LMX1B: variants seen among roughly 807,000 people sequenced by gnomAD.
The protein encoded by LMX1B is LIM homeobox transcription factor 1-beta.
A neutral mutation model predicts 51.4 loss-of-function variants in LMX1B; 12 were observed. The ratio of observed to expected loss-of-function variants is 0.23; its 90% confidence interval spans 0.15 to 0.38. The LOEUF (loss-of-function observed/expected upper bound fraction) is 0.38. Among genes scored for constraint, LMX1B ranks in the 10% least tolerant of loss-of-function variants. LMX1B has a pLI of 1.00. For missense variants in LMX1B, 445 were observed against 571.1 expected, an observed-to-expected ratio of 0.78 and a Z score of 2.25; for synonymous variants, 237 against 235.4, an observed-to-expected ratio of 1.01 and a Z score of -0.06.
intron 3 of LMX1B, among the ~76,000 whole-genome samples, chr9:126,692,530 T>C (rs1355617256): frequency 7.2e-5 from 11 of 152,232 alleles, no homozygotes; most frequent in Admixed American, 3.9e-4. Flanking sequence ...TGTACGTTCC[T>C]GCCCGTGAGC....
intron 2 of LMX1B, among the ~76,000 whole-genome samples, chr9:126,629,119 T>G (rs1180095742): frequency 1.3e-5 from 2 of 152,130 alleles, no homozygotes; most frequent in African/African-American, 2.4e-5. Flanking sequence ...CCCAGCAGGC[T>G]GGGTGCTTTT....
chr9:126,640,238 A>C (rs953334140), intron 2 of LMX1B, among the ~76,000 whole-genome samples: 3 of 152,092 alleles, frequency 2.0e-5, no homozygotes, highest in Non-Finnish European at 2.9e-5. Flanking sequence ...GCTGGGGCTG[A>C]GGTGTGGGGG....
chr9:126,693,993 A>G, intron 6 of LMX1B, 181 bp downstream of exon 6: 1 of 584,488 alleles, frequency 1.7e-6, no homozygotes, highest in Admixed American at 3.1e-5. Context: ...TTCTTTTAAC[A>G]AAACTTCTCA....
chr9:126,693,027 C>T, intron 3 of LMX1B, 115 bp from the exon 4 acceptor site: 2 of 1,105,462 alleles, frequency 1.8e-6, no homozygotes, highest in Non-Finnish European at 1.3e-6. Context: ...GGAGCCACGG[C>T]AGGTGTCAAC....
chr9:126,635,568 G>C (rs149482385), intron 2 of LMX1B, among the ~76,000 whole-genome samples: 27 of 152,280 alleles, frequency 1.8e-4, no homozygotes, highest in African/African-American at 6.5e-4. Context: ...CTCAACCTTG[G>C]TTCCATCATT....
chr9:126,680,847 C>T (rs896389041), intron 2 of LMX1B, among the ~76,000 whole-genome samples: 1 of 152,166 alleles, frequency 6.6e-6, no homozygotes, highest in Non-Finnish European at 1.5e-5. Context: ...CATCATAGCT[C>T]GCAGCCTCCC....
intron 2 of LMX1B, among the ~76,000 whole-genome samples, chr9:126,635,752 C>A (rs1485989683): frequency 2.6e-5 from 4 of 152,164 alleles, no homozygotes; most frequent in Non-Finnish European, 5.9e-5. Flanking sequence ...TCCGAGGCCA[C>A]CCAGCTGAGG....
In LMX1B at chr9:126,625,210, CCT is replaced by C. The variant is rs1288025413; in HGVS notation, c.326+9642_326+9643del. ...AGAGGGGGCTCCGGCCCTGTAGCCC[CCT>C]GACGCTTTTCGTTTCCGAGCGCGCT... is the stretch of plus-strand genomic sequence containing the variant. On this transcript the variant is annotated intron_variant, in intron 2 of 7. Coordinates refer to ENST00000373474, the MANE Select transcript of LMX1B (RefSeq NM_001174147.2). The surrounding 1 kb of genome is among the most constrained non-coding windows in gnomAD (Gnocchi z 5.3). Among the ~76,000 whole-genome samples, 3 of 152,266 alleles carry C rather than the reference CCT, an allele frequency of 2.0e-5. No individual in the cohort carries two copies. The highest frequency in any genetic ancestry group is 4.4e-5 in the Non-Finnish European group (3 of 68,048).
intron 2 of LMX1B, among the ~76,000 whole-genome samples, chr9:126,653,637 G>T (rs977821190): frequency 2.6e-5 from 4 of 152,114 alleles, no homozygotes; most frequent in Admixed American, 6.5e-5. Flanking sequence ...TCCAGTGTTG[G>T]GTGCGTTTGT....
Position 126,658,913 on chromosome 9 carries a change from A to G in LMX1B, c.327-31923A>G, listed in dbSNP as rs777397452. Among the ~76,000 whole-genome samples, 4 of 152,208 alleles carry G rather than the reference A, an allele frequency of 2.6e-5. No homozygotes were observed. Among genetic ancestry groups the G allele is most frequent in the Non-Finnish European group, 5.9e-5 (4 of 68,032 alleles). The stretch of plus-strand genomic sequence containing the variant: ...GACATGAGAAGTCCATACTGGAGGC[A>G]AGAGGCACCCAGAAGCCCCACATAG... On this transcript the variant is annotated intron_variant, in intron 2 of 7. Coordinates refer to ENST00000373474, the MANE Select transcript of LMX1B (RefSeq NM_001174147.2). The surrounding 1 kb of genome is among the most constrained non-coding windows in gnomAD (Gnocchi z 4.0).
rs1461552970 is a variant in LMX1B, at chr9:126,614,119, C to A, written c.-331C>A. Among the ~76,000 whole-genome samples, 1 of 142,878 alleles carries A rather than the reference C, an allele frequency of 7.0e-6. No individual in the cohort carries two copies. The highest frequency in any genetic ancestry group is 2.5e-5 in the African/African-American group (1 of 39,868). The allele number at this position is 142,878 out of a possible 152,430, so 93.7% of individuals were successfully genotyped here. On this transcript the variant is annotated 5_prime_UTR_variant, in exon 1 of 8. Transcript: ENST00000373474. ...CCGCCTGCCGCCGCCGCCACCGCCACCGCCGCCGCCGCCTCCTCCCCGCGG... is the reference window on the plus strand; with the variant it reads ...CCGCCTGCCGCCGCCGCCACCGCCAACGCCGCCGCCGCCTCCTCCCCGCGG...
At chr9:126,647,116 C>T (rs753361294) in intron 2 of LMX1B, among the ~76,000 whole-genome samples, 1 of 152,048 alleles carries the variant, frequency 6.6e-6, no homozygotes, top group Non-Finnish European at 1.5e-5. Flanking sequence ...GCTGGCGGAT[C>T]GCTTGAGCCC....
chr9:126,669,378 G>A (rs1564161559), intron 2 of LMX1B, among the ~76,000 whole-genome samples: 1 of 152,306 alleles, frequency 6.6e-6, no homozygotes, highest in East Asian at 1.9e-4. Flanking sequence ...CTGTGGGTGG[G>A]TCACTGCCCT....
intron 2 of LMX1B, among the ~76,000 whole-genome samples, chr9:126,631,150 G>A (rs984239897): frequency 2.0e-5 from 3 of 152,256 alleles, no homozygotes; most frequent in Non-Finnish European, 4.4e-5. Context: ...GGATGGAGCT[G>A]GCCGCCCACT....
chr9:126,653,678 C>T (rs370397696), intron 2 of LMX1B, among the ~76,000 whole-genome samples: 1 of 152,210 alleles, frequency 6.6e-6, no homozygotes, highest in Admixed American at 6.5e-5. Context: ...TTATCACATG[C>T]GAACGTTCCC....
At position 126,625,567 on chromosome 9, in the gene LMX1B, C is replaced by A. The variant is rs557898790; in HGVS notation, c.326+9998C>A. ...GATCCCTGGGACTAATGTCGCAGCGCTCGCACTCCTGCAGGTCTCCAGGGT... is the reference window on the plus strand; with the variant it reads ...GATCCCTGGGACTAATGTCGCAGCGATCGCACTCCTGCAGGTCTCCAGGGT... On this transcript the variant is annotated intron_variant, in intron 2 of 7. Transcript: ENST00000373474. The surrounding 1 kb of genome is among the most constrained non-coding windows in gnomAD (Gnocchi z 5.3). 1.3e-5 allele frequency among the ~76,000 whole-genome samples: 2 copies of A among 152,342 alleles called. No homozygotes were observed. Among genetic ancestry groups the A allele is most frequent in the African/African-American group, 4.8e-5 (2 of 41,592 alleles).
intron 2 of LMX1B, among the ~76,000 whole-genome samples, chr9:126,651,302 G>T (rs1836000975): frequency 6.6e-6 from 1 of 152,018 alleles, no homozygotes; most frequent in Non-Finnish European, 1.5e-5. Context: ...GGGACTGGGG[G>T]GGGTGGCTCC....
intron 2 of LMX1B, among the ~76,000 whole-genome samples, chr9:126,642,704 A>C (rs562727353): frequency 2.3e-4 from 35 of 152,322 alleles, no homozygotes; most frequent in African/African-American, 8.4e-4. Flanking sequence ...GAGTGAATGG[A>C]GTGAAACAAG....
intron 2 of LMX1B, among the ~76,000 whole-genome samples, chr9:126,665,256 G>T (rs528258368): frequency 2.6e-5 from 4 of 152,360 alleles, no homozygotes; most frequent in Non-Finnish European, 4.4e-5. Context: ...GATTTGGGGG[G>T]AGGGGCGGTG....
Sources: gnomAD v4.1 joint callset for allele counts (sites outside exome capture counted in the v4.1 genomes callset) on GRCh38, gnomAD v4.1.1 for gene constraint, Gnocchi (gnomAD v3.1) non-coding constraint, MANE v1.5 for transcripts, NCBI Gene and HGNC (gene_info 2026-07-23, HGNC 2026-07-21) for gene names.